Variants in ZNF618 observed in about 807,000 individuals in gnomAD.
The protein encoded by ZNF618 is zinc finger protein 618.
A neutral mutation model predicts 103.0 loss-of-function variants in ZNF618; 34 were observed. The observed-to-expected ratio is 0.33, with a 90% CI of 0.25 to 0.44. ZNF618 has a LOEUF of 0.44. Among genes scored for constraint, ZNF618 ranks in the 20% least tolerant of loss-of-function variants. The probability of loss-of-function intolerance (pLI) is 1.00; values close to 1 mark genes in which losing one functional copy is unlikely to be tolerated. For missense variants in ZNF618, 1,059 were observed against 1,295.4 expected (o/e 0.82, Z 2.80); for synonymous variants, 551 against 542.2 (o/e 1.02, Z -0.23).
chr9:113,933,937 G>T (rs1036672743), intron 1 of ZNF618, among the ~76,000 whole-genome samples: 1 of 152,034 alleles, frequency 6.6e-6, no homozygotes, highest in African/African-American at 2.4e-5. Context: ...CAGGAGACAG[G>T]ATGCTTGAAA....
At chr9:113,947,527 A>G (rs1051460724) in intron 1 of ZNF618, among the ~76,000 whole-genome samples, 2 of 152,168 alleles carry the variant, frequency 1.3e-5, no homozygotes, top group Non-Finnish European at 2.9e-5. Flanking sequence ...GGCCTGACAC[A>G]CAGACCCCTA....
Position 113,998,185 on chromosome 9 carries a change from A to G in ZNF618, c.338-74A>G, listed in dbSNP as rs955480117. On this transcript the variant is annotated intron_variant, in intron 3 of 14. Transcript: ENST00000374126. ...TGTCCACGCTTCTCAAAGTGCAGCC[A>G]ACTTCGCCCCTTCCCTAACCTTCCA... The G allele has an allele frequency of 5.1e-6, 7 of 1,384,420 alleles. No individual in the cohort carries two copies. In the African/African-American group the frequency reaches 1.0e-4, roughly 20 times the overall value. 85.8% of individuals were successfully genotyped at this position (1,384,420 alleles called of 1,614,324 possible).
intron 2 of ZNF618, among the ~76,000 whole-genome samples, chr9:113,981,993 G>T (rs1197903400): frequency 4.2e-5 from 6 of 143,710 alleles, no homozygotes; most frequent in Non-Finnish European, 7.8e-5. Context: ...GAACTGTCAG[G>T]TGAGACCCAG....
At chr9:113,921,416 C>G (rs1285296542) in intron 1 of ZNF618, among the ~76,000 whole-genome samples, 1 of 152,232 alleles carries the variant, frequency 6.6e-6, no homozygotes, top group East Asian at 1.9e-4. Flanking sequence ...GTCAGAGATT[C>G]AGAGTTGATT....
chr9:113,956,209 C>CAAAA lies in ZNF618; in HGVS notation c.34-12881_34-12878dup, dbSNP rs10537910. On this transcript the variant is annotated intron_variant, in intron 1 of 14. Transcript: ENST00000374126. ...GGGCAACGAGAGTTAAACTCTGTCT[C>CAAAA]AAAAAAAAAAAAAAAAAAAAAAAAA... 5.6e-3 allele frequency among the ~76,000 whole-genome samples: 248 copies of CAAAA among 44,590 alleles called. 3 individuals carry two copies. Among genetic ancestry groups the CAAAA allele is most frequent in the Middle Eastern group, 0.05 (2 of 40 alleles). 29.3% of individuals were successfully genotyped at this position (44,590 alleles called of 152,430 possible).
At chr9:113,905,189 C>T (rs1053325463) in intron 1 of ZNF618, among the ~76,000 whole-genome samples, 11 of 152,144 alleles carry the variant, frequency 7.2e-5, no homozygotes, top group African/African-American at 2.4e-4. Context: ...GTGCCTCAGC[C>T]TCCTATTGGA....
intron 1 of ZNF618, among the ~76,000 whole-genome samples, chr9:113,951,577 A>ATGTGTGTGTG (rs33967417): frequency 4.1e-5 from 2 of 49,128 alleles, no homozygotes; most frequent in African/African-American, 1.3e-4. Flanking sequence ...GTGTGTGTAT[A>ATGTGTGTGTG]TGTGTGTGTG....
intron 10 of ZNF618, among the ~76,000 whole-genome samples, chr9:114,027,223 C>A (rs111665490): frequency 6.6e-6 from 1 of 152,196 alleles, no homozygotes; most frequent in African/African-American, 2.4e-5. Context: ...ATACAAGTGT[C>A]CTTTGCCACC....
intron 1 of ZNF618, 88 bp from the exon 2 acceptor site, chr9:113,969,029 T>G: frequency 7.0e-7 from 1 of 1,438,438 alleles, no homozygotes; most frequent in Non-Finnish European, 9.8e-7. Context: ...TGAAGGCTGG[T>G]ATTCAGTGGG....
At position 114,052,032 on chromosome 9, in the gene ZNF618, A is replaced by G. The variant is rs1429580798; in HGVS notation, c.*1865A>G. ...ACCTTCTGTCATCCTGGGGTTGGCT[A>G]AGTCAACTCCACCCCTTCCCAATAA... On this transcript the variant is annotated 3_prime_UTR_variant, in exon 15 of 15. Coordinates refer to ENST00000374126, the MANE Select transcript of ZNF618 (RefSeq NM_001318042.2). The G allele has an allele frequency of 1.3e-5, 2 of 152,570 alleles. No individual in the cohort carries two copies. Among genetic ancestry groups the G allele is most frequent in the African/African-American group, 4.8e-5 (2 of 41,436 alleles). 9.5% of individuals were successfully genotyped at this position (152,570 alleles called of 1,614,324 possible).
intron 3 of ZNF618, among the ~76,000 whole-genome samples, chr9:113,995,634 TCA>T (rs1455334464): frequency 6.6e-6 from 1 of 152,190 alleles, no homozygotes; most frequent in African/African-American, 2.4e-5. Flanking sequence ...ATGCCAGAAA[TCA>T]CACAGGGGTC....
At chr9:113,955,990 A>G in intron 1 of ZNF618, among the ~76,000 whole-genome samples, 1 of 151,984 alleles carries the variant, frequency 6.6e-6, no homozygotes, top group Non-Finnish European at 1.5e-5. Flanking sequence ...CGGGTGGATC[A>G]CCTGAGGTCA....
intron 1 of ZNF618, among the ~76,000 whole-genome samples, chr9:113,954,042 A>G (rs147869620): frequency 3.0e-4 from 45 of 152,290 alleles, no homozygotes; most frequent in Admixed American, 1.8e-3. Flanking sequence ...ATGTAGTTAA[A>G]TGAAGCCTTT....
chr9:113,951,427 G>GTATATA (rs1554732831), intron 1 of ZNF618, among the ~76,000 whole-genome samples: 37 of 69,940 alleles, frequency 5.3e-4, no homozygotes, highest in African/African-American at 2.0e-3. Context: ...ATATATGTGT[G>GTATATA]TGTGTATATA....
At chr9:114,011,527 T>C (rs1041255239) in intron 9 of ZNF618, among the ~76,000 whole-genome samples, 6 of 152,238 alleles carry the variant, frequency 3.9e-5, no homozygotes. Flanking sequence ...AGACCATCCC[T>C]TGCTGCCACT....
intron 1 of ZNF618, among the ~76,000 whole-genome samples, chr9:113,948,019 T>C (rs1248858050): frequency 3.9e-5 from 6 of 152,144 alleles, no homozygotes; most frequent in African/African-American, 1.4e-4. Flanking sequence ...TTTTCCTCAG[T>C]CAATGGCAGA....
chr9:114,007,599 G>A (rs1359037119), intron 7 of ZNF618, among the ~76,000 whole-genome samples, 160 bp downstream of exon 7: 1 of 152,154 alleles, frequency 6.6e-6, no homozygotes, highest in Non-Finnish European at 1.5e-5. Flanking sequence ...GAGGATTCTG[G>A]GGGCGGGAAC....
chr9:113,995,243 TAA>T (rs761311340), intron 3 of ZNF618, among the ~76,000 whole-genome samples: 2 of 142,778 alleles, frequency 1.4e-5, no homozygotes, highest in Non-Finnish European at 1.5e-5. Flanking sequence ...TTGAAATTTC[TAA>T]AAAAAAAAAA....
intron 2 of ZNF618, among the ~76,000 whole-genome samples, chr9:113,987,696 A>G (rs1310704311): frequency 1.3e-5 from 2 of 152,198 alleles, no homozygotes; most frequent in Non-Finnish European, 2.9e-5. Flanking sequence ...GCTTGTTAGA[A>G]ATGCAGAATC....
Sources: gnomAD v4.1 joint callset for allele counts (sites outside exome capture counted in the v4.1 genomes callset) on GRCh38, gnomAD v4.1.1 for gene constraint, MANE v1.5 for transcripts, NCBI Gene and HGNC (gene_info 2026-07-23, HGNC 2026-07-21) for gene names.